GRM7: variants seen among roughly 807,000 people sequenced by gnomAD.
GRM7 encodes the protein glutamate metabotropic receptor 7, also known as metabotropic glutamate receptor 7.
A neutral mutation model predicts 84.5 loss-of-function variants in GRM7; 35 were observed. That is an observed-to-expected ratio of 0.41 (90% CI 0.32 to 0.55). The LOEUF is 0.55. GRM7 is among the 20% of genes least tolerant of loss of function. GRM7 has a pLI of 0.19. For missense variants in GRM7, 1,003 were observed against 1,194.6 expected, an observed-to-expected ratio of 0.84 and a Z score of 2.36; for synonymous variants, 487 against 455.1, an observed-to-expected ratio of 1.07 and a Z score of -0.89.
chr3:7,725,719 G>T (rs1318155406), intron 9 of GRM7, among the ~76,000 whole-genome samples: 1 of 152,206 alleles, frequency 6.6e-6, no homozygotes, highest in Non-Finnish European at 1.5e-5. Flanking sequence ...CCAGTGCATT[G>T]AGAGATGCAT....
At chr3:7,295,956 A>AGGG (rs893076736) in intron 2 of GRM7, among the ~76,000 whole-genome samples, 1 of 152,136 alleles carries the variant, frequency 6.6e-6, no homozygotes, top group African/African-American at 2.4e-5. Context: ...TGAACAGGAT[A>AGGG]GGGCAACCTT....
At chr3:6,886,110 G>GGT (rs1695684247) in intron 1 of GRM7, among the ~76,000 whole-genome samples, 3 of 100,000 alleles carry the variant, frequency 3.0e-5, no homozygotes, top group Non-Finnish European at 4.3e-5. Context: ...TGTGTGTGTG[G>GGT]GTGTGTGTGT....
intron 1 of GRM7, among the ~76,000 whole-genome samples, chr3:6,962,504 G>A (rs1693341001): frequency 6.6e-6 from 1 of 152,162 alleles, no homozygotes; most frequent in Non-Finnish European, 1.5e-5. Flanking sequence ...GATAAAACCT[G>A]AGGAACATGA....
intron 7 of GRM7, among the ~76,000 whole-genome samples, chr3:7,518,224 A>T (rs747013611): frequency 6.6e-6 from 1 of 152,210 alleles, no homozygotes; most frequent in Non-Finnish European, 1.5e-5. Context: ...AATGTCTTCA[A>T]CTAGGAAGGC....
chr3:7,319,360 A>G (rs1453615198), intron 4 of GRM7, among the ~76,000 whole-genome samples: 1 of 152,094 alleles, frequency 6.6e-6, no homozygotes, highest in East Asian at 1.9e-4. Flanking sequence ...AGCCAAAAGT[A>G]TCAAACAGTG....
At chr3:7,186,456 C>T (rs571312506) in intron 2 of GRM7, among the ~76,000 whole-genome samples, 28 of 152,308 alleles carry the variant, frequency 1.8e-4, no homozygotes, top group Non-Finnish European at 2.5e-4. Flanking sequence ...AAGTTTACTG[C>T]TGGGAATAAA....
intron 1 of GRM7, among the ~76,000 whole-genome samples, chr3:7,084,241 A>G (rs892681612): frequency 4.6e-5 from 7 of 152,134 alleles, no homozygotes; most frequent in African/African-American, 1.4e-4. Flanking sequence ...ATGGTGACTT[A>G]GTACAGGATG....
chr3:7,296,735 T>C (rs1170329987), intron 2 of GRM7, among the ~76,000 whole-genome samples: 1 of 152,004 alleles, frequency 6.6e-6, no homozygotes, highest in Non-Finnish European at 1.5e-5. Flanking sequence ...CATTCCTAAA[T>C]AGGGTCATTT....
intron 8 of GRM7, among the ~76,000 whole-genome samples, chr3:7,619,500 C>G (rs966434519): frequency 6.6e-6 from 1 of 152,120 alleles, no homozygotes; most frequent in South Asian, 2.1e-4. Flanking sequence ...GGCCTATATA[C>G]TAAACTGTAG....
chr3:7,619,434 A>G (rs1315902251), intron 8 of GRM7, among the ~76,000 whole-genome samples: 1 of 152,042 alleles, frequency 6.6e-6, no homozygotes, highest in African/African-American at 2.4e-5. Flanking sequence ...GCCTTGGCAT[A>G]GAAGGATCTG....
chr3:6,939,622 A>G (rs1037678011), intron 1 of GRM7, among the ~76,000 whole-genome samples: 93 of 152,296 alleles, frequency 6.1e-4, no homozygotes, highest in African/African-American at 2.2e-3. Flanking sequence ...AAAAAGCTCC[A>G]CAGTAGGCAA....
intron 4 of GRM7, among the ~76,000 whole-genome samples, chr3:7,411,373 A>G (rs1320429335): frequency 6.6e-6 from 1 of 152,230 alleles, no homozygotes; most frequent in South Asian, 2.1e-4. Context: ...AAAAATAGTT[A>G]TAACATTACC....
chr3:7,124,058 A>G (rs768961105), intron 1 of GRM7, among the ~76,000 whole-genome samples: 33 of 151,730 alleles, frequency 2.2e-4, no homozygotes, highest in Non-Finnish European at 4.4e-4. Context: ...CTTTCTTCAC[A>G]TTCCTTACCT....
intron 4 of GRM7, among the ~76,000 whole-genome samples, chr3:7,324,627 A>C (rs1196769416): frequency 6.6e-6 from 1 of 152,054 alleles, no homozygotes; most frequent in Non-Finnish European, 1.5e-5. Context: ...CATACTAGCA[A>C]GTCTTTTTGT....
chr3:7,353,763 G>A (rs1575208902), intron 4 of GRM7, among the ~76,000 whole-genome samples: 1 of 152,094 alleles, frequency 6.6e-6, no homozygotes, highest in East Asian at 1.9e-4. Context: ...ACATATATGC[G>A]ATGAGAAGAA....
At position 7,610,033 on chromosome 3, in the gene GRM7, GTTTACATTTTAACTTTCTTA is replaced by G. The variant is rs150897577; in HGVS notation, c.2451+30680_2451+30699del. Among the ~76,000 whole-genome samples, 1,145 of 152,140 alleles carry G rather than the reference GTTTACATTTTAACTTTCTTA, an allele frequency of 7.5e-3. 17 individuals are homozygous for G. Among genetic ancestry groups the G allele is most frequent in the African/African-American group, 0.026 (1,085 of 41,478 alleles). ...ACTTGAGTGCCTTCCTATGCTGGAT[GTTTACATTTTAACTTTCTTA>G]TTTTCCATTTTGGAAAGAGGGGTGG... is the stretch of plus-strand genomic sequence containing the variant. On this transcript the variant is annotated intron_variant, in intron 8 of 9. Coordinates refer to ENST00000357716, the MANE Select transcript of GRM7 (RefSeq NM_000844.4).
At chr3:7,275,130 T>C (rs1301230172) in intron 2 of GRM7, among the ~76,000 whole-genome samples, 1 of 152,196 alleles carries the variant, frequency 6.6e-6, no homozygotes, top group Non-Finnish European at 1.5e-5. Flanking sequence ...TTTTGATCTT[T>C]AGCATAAAAA....
chr3:7,284,696 T>C (rs1699369124), intron 2 of GRM7, among the ~76,000 whole-genome samples: 1 of 152,152 alleles, frequency 6.6e-6, no homozygotes, highest in Non-Finnish European at 1.5e-5. Flanking sequence ...TTAATTTATC[T>C]ACTGCTTGGT....
At chr3:7,724,130 A>G (rs558268398) in intron 9 of GRM7, among the ~76,000 whole-genome samples, 3 of 152,174 alleles carry the variant, frequency 2.0e-5, no homozygotes, top group Non-Finnish European at 4.4e-5. Flanking sequence ...CTGATCAGCC[A>G]TAGGTGCCCA....
Sources: gnomAD v4.1 joint callset for allele counts (sites outside exome capture counted in the v4.1 genomes callset) on GRCh38, gnomAD v4.1.1 for gene constraint, MANE v1.5 for transcripts, NCBI Gene and HGNC (gene_info 2026-07-23, HGNC 2026-07-21) for gene names.